Variants in KCNC2 observed in about 807,000 individuals in gnomAD.
KCNC2 encodes the protein potassium voltage-gated channel subfamily C member 2.
KCNC2 carries 21 observed loss-of-function variants against 44.5 expected under a neutral mutation model. That is an observed-to-expected ratio of 0.47 (90% CI 0.33 to 0.68). The LOEUF (loss-of-function observed/expected upper bound fraction) is 0.68. Among genes scored for constraint, KCNC2 ranks in the 30% least tolerant of loss-of-function variants. The probability of loss-of-function intolerance (pLI) is 0.01; values close to 1 mark genes in which losing one functional copy is unlikely to be tolerated. For missense variants in KCNC2, 589 were observed against 826.2 expected, an observed-to-expected ratio of 0.71 and a Z score of 3.52; for synonymous variants, 391 against 339.1, an observed-to-expected ratio of 1.15 and a Z score of -1.68.
intron 2 of KCNC2, among the ~76,000 whole-genome samples, chr12:75,128,047 A>G (rs953032101): frequency 1.3e-5 from 2 of 152,198 alleles, no homozygotes; most frequent in Non-Finnish European, 2.9e-5. Context: ...TGTAATAATC[A>G]CAAAATTATA....
intron 2 of KCNC2, among the ~76,000 whole-genome samples, chr12:75,186,092 T>A (rs1037728340): frequency 7.0e-6 from 1 of 143,372 alleles, no homozygotes; most frequent in Admixed American, 7.2e-5. Flanking sequence ...AATAAATAAA[T>A]AAAAATTTTA....
intron 2 of KCNC2, among the ~76,000 whole-genome samples, chr12:75,077,268 T>G (rs1194761178): frequency 6.6e-6 from 1 of 152,184 alleles, no homozygotes; most frequent in Non-Finnish European, 1.5e-5. Flanking sequence ...TTGGCATTAT[T>G]ACTTAAATAA....
intron 2 of KCNC2, among the ~76,000 whole-genome samples, chr12:75,060,274 C>T (rs1882177026): frequency 6.6e-6 from 1 of 151,960 alleles, no homozygotes; most frequent in Non-Finnish European, 1.5e-5. Context: ...CTCTAAATAC[C>T]TCTAGCATTT....
At chr12:75,197,617 T>A (rs1459741850) in intron 2 of KCNC2, among the ~76,000 whole-genome samples, 1 of 152,040 alleles carries the variant, frequency 6.6e-6, no homozygotes, top group Non-Finnish European at 1.5e-5. Flanking sequence ...TCTTAGAACA[T>A]AACCTAGTTC....
Position 75,060,660 on chromosome 12 carries a change from G to T in KCNC2, c.688-9343C>A, listed in dbSNP as rs143453948. ...TTTGTATTTTTTTTTAAATAGAGAT[G>T]GGATTTCACCATATTTCCCAGGCTG... On this transcript the variant is annotated intron_variant, in intron 2 of 4. Coordinates refer to ENST00000549446, the MANE Select transcript of KCNC2 (RefSeq NM_139137.4). Among the ~76,000 whole-genome samples, 631 of 151,680 alleles carry T rather than the reference G, an allele frequency of 4.2e-3. 6 individuals are homozygous for T. The highest frequency in any genetic ancestry group is 0.015 in the African/African-American group (604 of 41,378).
At chr12:75,166,171 T>C (rs1052909589) in intron 2 of KCNC2, among the ~76,000 whole-genome samples, 5 of 151,142 alleles carry the variant, frequency 3.3e-5, no homozygotes, top group Non-Finnish European at 7.4e-5. Flanking sequence ...GAAATAAACA[T>C]TTTATAACTG....
chr12:75,118,341 T>C (rs1887822973), intron 2 of KCNC2, among the ~76,000 whole-genome samples: 2 of 151,924 alleles, frequency 1.3e-5, no homozygotes, highest in Admixed American at 1.3e-4. Flanking sequence ...AAACAGATAA[T>C]AGCAGGTAAA....
intron 2 of KCNC2, among the ~76,000 whole-genome samples, chr12:75,126,097 C>A (rs1291577397): frequency 6.6e-6 from 1 of 152,018 alleles, no homozygotes; most frequent in Non-Finnish European, 1.5e-5. Context: ...AACTAAAAAA[C>A]CCGAGTCTCT....
chr12:75,137,515 A>G (rs1417452238), intron 2 of KCNC2, among the ~76,000 whole-genome samples: 1 of 152,204 alleles, frequency 6.6e-6, no homozygotes. Context: ...AAAAAACAAA[A>G]TGGTTAAAAG....
chr12:75,130,320 T>G (rs774746014), intron 2 of KCNC2, among the ~76,000 whole-genome samples: 1 of 152,206 alleles, frequency 6.6e-6, no homozygotes, highest in Non-Finnish European at 1.5e-5. Context: ...ATTATAACAT[T>G]TATAATGGCA....
At chr12:75,107,403 AATTT>A (rs1886876628) in intron 2 of KCNC2, among the ~76,000 whole-genome samples, 2 of 150,686 alleles carry the variant, frequency 1.3e-5, no homozygotes, top group South Asian at 2.1e-4. Context: ...ACAAATTTAT[AATTT>A]ATTATAACAT....
At chr12:75,126,004 A>G (rs1888395277) in intron 2 of KCNC2, among the ~76,000 whole-genome samples, 1 of 152,114 alleles carries the variant, frequency 6.6e-6, no homozygotes, top group Non-Finnish European at 1.5e-5. Flanking sequence ...CCATACTATA[A>G]ATATTATTTT....
At chr12:75,081,980 G>A (rs1884554495) in intron 2 of KCNC2, among the ~76,000 whole-genome samples, 2 of 151,880 alleles carry the variant, frequency 1.3e-5, no homozygotes, top group South Asian at 4.1e-4. Flanking sequence ...TTTCCTACTT[G>A]TATGCATACA....
At chr12:75,209,012 C>A (rs2031938229) in intron 1 of KCNC2, among the ~76,000 whole-genome samples, 195 bp downstream of exon 1, 1 of 152,180 alleles carries the variant, frequency 6.6e-6, no homozygotes, top group South Asian at 2.1e-4. Context: ...CTTGGAGGCA[C>A]ACCCCCTGGG....
At chr12:75,156,472 C>T (rs1017536016) in intron 2 of KCNC2, among the ~76,000 whole-genome samples, 1 of 151,768 alleles carries the variant, frequency 6.6e-6, no homozygotes, top group African/African-American at 2.4e-5. Flanking sequence ...ATGCCTCGCA[C>T]AGCCTAAAAT....
intron 3 of KCNC2, 51 bp from the exon 4 acceptor site, chr12:75,048,368 G>A: frequency 2.6e-6 from 4 of 1,521,234 alleles, no homozygotes; most frequent in Non-Finnish European, 3.6e-6. Context: ...GAGGAAATGA[G>A]ACAGTACAAA....
chr12:75,208,289 C>G (rs1363090283), intron 1 of KCNC2, among the ~76,000 whole-genome samples: 1 of 152,040 alleles, frequency 6.6e-6, no homozygotes, highest in Non-Finnish European at 1.5e-5. Flanking sequence ...GCTCTGATCT[C>G]TTCACCTTCA....
chr12:75,154,837 C>T (rs1386271623), intron 2 of KCNC2, among the ~76,000 whole-genome samples: 1 of 151,934 alleles, frequency 6.6e-6, no homozygotes, highest in Non-Finnish European at 1.5e-5. Context: ...ATATAAAAGT[C>T]GTGTGGCTTT....
At chr12:75,191,500 A>G (rs1430953929) in intron 2 of KCNC2, among the ~76,000 whole-genome samples, 1 of 98,158 alleles carries the variant, frequency 1.0e-5, no homozygotes, top group African/African-American at 4.4e-5. Context: ...CTTTGTTCTG[A>G]ATATTATTAT....
Sources: allele counts gnomAD v4.1 joint callset (sites outside exome capture counted in the v4.1 genomes callset), GRCh38; gene constraint gnomAD v4.1.1; transcripts MANE v1.5; gene names NCBI Gene and HGNC (gene_info 2026-07-23, HGNC 2026-07-21).